The following CTIF variants were observed in gnomAD, a reference collection of about 807,000 sequenced individuals.
The protein encoded by CTIF is cap binding complex dependent translation initiation factor.
In CTIF, 21 loss-of-function variants were observed where a neutral mutation model predicts 66.0. The observed-to-expected ratio is 0.32, with a 90% CI of 0.23 to 0.46. The LOEUF (loss-of-function observed/expected upper bound fraction) is 0.46. Among genes scored for constraint, CTIF ranks in the 20% least tolerant of loss-of-function variants. The pLI is 1.00. For missense variants in CTIF, 739 were observed against 812.7 expected, an observed-to-expected ratio of 0.91 and a Z score of 1.10; for synonymous variants, 345 against 326.4, an observed-to-expected ratio of 1.06 and a Z score of -0.62.
chr18:48,563,976 G>A (rs11662760), intron 1 of CTIF, among the ~76,000 whole-genome samples: 10,817 of 152,180 alleles, frequency 0.071, 474 homozygotes, highest in South Asian at 0.1. Context: ...CTGAGAACCC[G>A]GAATCTCAGT....
intron 10 of CTIF, among the ~76,000 whole-genome samples, chr18:48,848,142 T>C (rs2069120747): frequency 6.6e-6 from 1 of 152,214 alleles, no homozygotes; most frequent in Non-Finnish European, 1.5e-5. Flanking sequence ...ACTGTCAGCA[T>C]GTGTGCCCAT....
At chr18:48,664,909 CTTTTTTTTT>C (rs368586647) in intron 5 of CTIF, among the ~76,000 whole-genome samples, 3 of 62,132 alleles carry the variant, frequency 4.8e-5, no homozygotes, top group Non-Finnish European at 7.6e-5. Flanking sequence ...GTGTTTCTTT[CTTTTTTTTT>C]TTTTTTTGAG....
At chr18:48,808,287 G>A (rs1189632770) in intron 9 of CTIF, among the ~76,000 whole-genome samples, 1 of 152,118 alleles carries the variant, frequency 6.6e-6, no homozygotes, top group Non-Finnish European at 1.5e-5. Context: ...ACCTCTTAAT[G>A]CCCTTTCCCC....
chr18:48,588,364 C>T (rs573351970), intron 1 of CTIF, among the ~76,000 whole-genome samples: 131 of 152,356 alleles, frequency 8.6e-4, no homozygotes, highest in Non-Finnish European at 1.3e-3. Flanking sequence ...GACCCTCTGG[C>T]CCTCTCAGGT....
At chr18:48,642,854 A>G (rs929071712) in intron 3 of CTIF, among the ~76,000 whole-genome samples, 1 of 152,214 alleles carries the variant, frequency 6.6e-6, no homozygotes, top group Non-Finnish European at 1.5e-5. Flanking sequence ...GACAGAGAAA[A>G]AGGAGCTCTG....
At chr18:48,608,031 G>A (rs2090235861) in intron 1 of CTIF, among the ~76,000 whole-genome samples, 1 of 152,154 alleles carries the variant, frequency 6.6e-6, no homozygotes, top group Non-Finnish European at 1.5e-5. Flanking sequence ...ATTTTTGTAG[G>A]CATAGACCAC....
chr18:48,679,905 G>A (rs560034360), intron 6 of CTIF, among the ~76,000 whole-genome samples: 1 of 152,306 alleles, frequency 6.6e-6, no homozygotes, highest in Non-Finnish European at 1.5e-5. Context: ...AGAGAATTAT[G>A]GTCAGGAGAA....
intron 10 of CTIF, chr18:48,826,993 T>C (rs2068594775): frequency 6.6e-6 from 1 of 151,214 alleles, no homozygotes; most frequent in Non-Finnish European, 1.5e-5. Context: ...TGGACAGGCA[T>C]GGGGGAAATG....
At chr18:48,797,023 G>C (rs181662601) in intron 9 of CTIF, among the ~76,000 whole-genome samples, 176 of 152,252 alleles carry the variant, frequency 1.2e-3, no homozygotes, top group Middle Eastern at 6.8e-3. Flanking sequence ...CCTCTGCCCA[G>C]GTCTCCAATG....
intron 3 of CTIF, among the ~76,000 whole-genome samples, chr18:48,644,184 C>G (rs1301119863): frequency 6.6e-6 from 1 of 152,154 alleles, no homozygotes; most frequent in Non-Finnish European, 1.5e-5. Context: ...TTGGGTCATT[C>G]CTTTGTTTAT....
intron 1 of CTIF, among the ~76,000 whole-genome samples, chr18:48,540,548 C>A (rs1299471303): frequency 6.7e-6 from 1 of 149,408 alleles, no homozygotes; most frequent in Non-Finnish European, 1.5e-5. Flanking sequence ...GTTATCTGGG[C>A]GGCGTTGGCT....
chr18:48,683,839 G>A (rs1018887810), intron 6 of CTIF, among the ~76,000 whole-genome samples: 2 of 152,222 alleles, frequency 1.3e-5, no homozygotes, highest in Non-Finnish European at 2.9e-5. Flanking sequence ...TGTCTGCTGA[G>A]ACAAGCGTGG....
intron 7 of CTIF, among the ~76,000 whole-genome samples, chr18:48,756,477 C>T (rs936045970): frequency 1.3e-5 from 2 of 151,930 alleles, no homozygotes; most frequent in African/African-American, 4.8e-5. Flanking sequence ...TAAATAAATA[C>T]AATTTGTTCA....
At chr18:48,636,282 G>A (rs1458268108) in intron 2 of CTIF, among the ~76,000 whole-genome samples, 2 of 152,176 alleles carry the variant, frequency 1.3e-5, no homozygotes, top group African/African-American at 2.4e-5. Flanking sequence ...CAGGTCAGGC[G>A]GTCAAACATG....
At position 48,598,734 on chromosome 18, in the gene CTIF, A is replaced by G. The variant is rs550791465; in HGVS notation, c.-28-20804A>G. ...AACAGCACGCAGGGCAAGAATGAGC[A>G]TGATAGCACCAATAAGGACATCAGC... On this transcript the variant is annotated intron_variant, in intron 1 of 11. Transcript: ENST00000256413. Among the ~76,000 whole-genome samples the G allele has an allele frequency of 9.2e-5, 14 of 152,350 alleles. No homozygotes were observed. In the South Asian group the frequency reaches 2.5e-3, roughly 27 times the overall value.
chr18:48,677,082 G>A lies in CTIF; in HGVS notation c.507+6338G>A, dbSNP rs370953842. Among the ~76,000 whole-genome samples, 9 of 152,238 alleles carry A rather than the reference G, an allele frequency of 5.9e-5. No homozygotes were observed. The East Asian group carries it at 9.7e-4, about 16-fold the overall frequency. Reference sequence around the variant, plus strand: ...GGTTCCCAGACCTCCAGATGAGAAGGAGTAACTTTATTGTTCCCTAGGGCT... The same window carrying A: ...GGTTCCCAGACCTCCAGATGAGAAGAAGTAACTTTATTGTTCCCTAGGGCT... On this transcript the variant is annotated intron_variant, in intron 6 of 11. Coordinates refer to ENST00000256413, the MANE Select transcript of CTIF (RefSeq NM_014772.3).
chr18:48,603,719 G>A (rs539788814), intron 1 of CTIF, among the ~76,000 whole-genome samples: 2 of 152,222 alleles, frequency 1.3e-5, no homozygotes, highest in South Asian at 4.2e-4. Flanking sequence ...GATATAGATG[G>A]GTGGCTGGCT....
At chr18:48,772,643 G>A (rs1227215298) in intron 9 of CTIF, among the ~76,000 whole-genome samples, 1 of 152,172 alleles carries the variant, frequency 6.6e-6, no homozygotes, top group Non-Finnish European at 1.5e-5. Flanking sequence ...ATGGTTTCCA[G>A]GTTTATTCAT....
At chr18:48,634,694 G>C (rs1339997662) in intron 2 of CTIF, among the ~76,000 whole-genome samples, 2 of 152,216 alleles carry the variant, frequency 1.3e-5, no homozygotes, top group African/African-American at 4.8e-5. Flanking sequence ...AGCTGACGTG[G>C]GAGCCTGGGA....
Sources: gnomAD v4.1 joint callset for allele counts (sites outside exome capture counted in the v4.1 genomes callset) on GRCh38, gnomAD v4.1.1 for gene constraint, MANE v1.5 for transcripts, NCBI Gene and HGNC (gene_info 2026-07-23, HGNC 2026-07-21) for gene names.